SYNE1: variants seen among roughly 807,000 people sequenced by gnomAD.
SYNE1 encodes the protein spectrin repeat containing nuclear envelope protein 1.
SYNE1 carries 616 observed loss-of-function variants against 1,111.0 expected under a neutral mutation model. The ratio of observed to expected loss-of-function variants is 0.55; its 90% CI spans 0.52 to 0.59. SYNE1 has a LOEUF of 0.59. SYNE1 is among the 20% of genes least tolerant of loss of function. The probability of loss-of-function intolerance (pLI) is 0.00; values close to 1 mark genes in which losing one functional copy is unlikely to be tolerated. For synonymous variants in SYNE1, 3,855 were observed against 3,825.8 expected (o/e 1.01, Z -0.28); for missense variants, 10,006 against 10,417.0 (o/e 0.96, Z 1.72).
At chr6:152,277,637 G>T (rs1200726884) in intron 98 of SYNE1, 2 of 220,590 alleles carry the variant, frequency 9.1e-6, no homozygotes, top group Non-Finnish European at 1.8e-5. Context: ...TTCCATCAAC[G>T]TGTAAACTTA....
chr6:152,353,285 C>T lies in SYNE1; in HGVS notation c.11231G>A (p.Gly3744Glu), dbSNP rs999063074. 4 of 1,614,030 alleles carry T rather than the reference C, an allele frequency of 2.5e-6. No individual in the cohort carries two copies. The African/African-American group carries it at 4.0e-5, about 16-fold the overall frequency. ...TACCTCCAACGTCTTCAATTTCTTC[C>T]CCATCATTACTGTATCTACTTTGTC... ...KIDKVDTVMM[G>E]KKLKTLEVLL... is the part of the protein sequence containing the mutation. Residue 3744 changes from glycine to glutamate, a missense_variant, in exon 69 of 146, where the codon GGG (glycine) becomes GAG (glutamate). By Grantham distance (98) the Gly-to-Glu change is moderately conservative (BLOSUM62 -2). Coordinates refer to ENST00000367255, the MANE Select transcript of SYNE1 (RefSeq NM_182961.4).
chr6:152,413,438 T>C lies in SYNE1; in HGVS notation c.6144A>G (p.Lys2048=), dbSNP rs1187291296. 6.2e-7 allele frequency: 1 copy of C among 1,614,018 alleles called. No individual in the cohort carries two copies. Among genetic ancestry groups the C allele is most frequent in the African/African-American group, 1.3e-5 (1 of 74,918 alleles). The change falls in exon 42 of 146, where the codon AAA becomes AAG. Residue 2048 remains lysine, a synonymous_variant. Coordinates refer to ENST00000367255, the MANE Select transcript of SYNE1 (RefSeq NM_182961.4). ...LKDKAKQIAQ[K]DVAFAPEVDR... is the part of the protein sequence containing the mutation. ...CAACTTCAGGTGCAAAAGCTACATC[T>C]TTCTGGGCAATTTGCTTGGCTTTGT... is the stretch of plus-strand genomic sequence containing the variant.
At chr6:152,138,549 AAATAAAT>A in intron 140 of SYNE1, among the ~76,000 whole-genome samples, 1 of 148,986 alleles carries the variant, frequency 6.7e-6, no homozygotes. Flanking sequence ...ATAAATAAAT[AAATAAAT>A]AAAATAAAAC....
At chr6:152,269,620 T>G (rs1438363059) in intron 98 of SYNE1, among the ~76,000 whole-genome samples, 1 of 152,182 alleles carries the variant, frequency 6.6e-6, no homozygotes, top group African/African-American at 2.4e-5. Flanking sequence ...TTGATGAGTT[T>G]GTTTTTTAAG....
intron 64 of SYNE1, among the ~76,000 whole-genome samples, chr6:152,360,890 CTG>C (rs1247190133): frequency 1.3e-5 from 2 of 152,130 alleles, no homozygotes; most frequent in African/African-American, 4.8e-5. Context: ...AGCGTGTGTT[CTG>C]TGTCAGACAG....
intron 49 of SYNE1, among the ~76,000 whole-genome samples, chr6:152,397,883 C>T (rs1289781387): frequency 2.0e-5 from 3 of 151,922 alleles, no homozygotes; most frequent in Admixed American, 6.6e-5. Flanking sequence ...CACCTGTAAT[C>T]CCAGCTACTT....
intron 127 of SYNE1, among the ~76,000 whole-genome samples, chr6:152,197,713 G>A (rs1028354652): frequency 6.6e-5 from 10 of 152,032 alleles, no homozygotes; most frequent in Non-Finnish European, 1.5e-4. Flanking sequence ...CAGTAAAACT[G>A]TACTGTAAAC....
At chr6:152,444,653 G>T in intron 29 of SYNE1, 75 bp from the exon 30 acceptor site, 2 of 1,375,274 alleles carry the variant, frequency 1.5e-6, no homozygotes, top group South Asian at 1.3e-5. Context: ...TTTTGGTAAG[G>T]TATGATTGAC....
At chr6:152,202,333 C>A (rs1460368909) in intron 126 of SYNE1, among the ~76,000 whole-genome samples, 2 of 110,346 alleles carry the variant, frequency 1.8e-5, no homozygotes, top group African/African-American at 6.9e-5. Context: ...GGCAAAAGAG[C>A]GAGACTCTGT....
Position 152,283,978 on chromosome 6 carries a change from C to G in SYNE1, c.18207G>C (p.Glu6069Asp). 1 of 1,613,884 alleles carries G rather than the reference C, an allele frequency of 6.2e-7. No individual in the cohort carries two copies. The highest frequency in any genetic ancestry group is 8.5e-7 in the Non-Finnish European group (1 of 1,179,792). ...MKASGKRQLL[E>D]EKLNDQLEEQ... The stretch of plus-strand genomic sequence containing the variant: ...AGGCCACTTTACAGTTATTGGTTAC[C>G]TCCAAAAGCTGCCGTTTCCCCGAGG... Residue 6069 changes from glutamate (E) to aspartate (D), a missense_variant and splice_region_variant, in exon 96 of 146, where the codon GAG becomes GAC. By Grantham distance (45) the Glu-to-Asp change is conservative. Around this residue, in one of 7 missense-constraint regions of SYNE1, gnomAD observed 99 missense variants for 147.8 expected, o/e 0.67. Transcript: ENST00000367255.
chr6:152,306,036 A>T (rs2095362154), intron 91 of SYNE1, among the ~76,000 whole-genome samples: 1 of 152,210 alleles, frequency 6.6e-6, no homozygotes, highest in Admixed American at 6.5e-5. Context: ...AGTAGCCCAG[A>T]TAGTTTCTGT....
At chr6:152,435,838 GA>G in intron 33 of SYNE1, 102 bp downstream of exon 33, 2 of 1,386,460 alleles carry the variant, frequency 1.4e-6, no homozygotes, top group Non-Finnish European at 2.0e-6. Flanking sequence ...GAAATACACA[GA>G]CACTTTGAGA....
intron 87 of SYNE1, chr6:152,316,602 T>G: frequency 1.4e-5 from 7 of 502,788 alleles, no homozygotes; most frequent in East Asian, 3.7e-5. Context: ...ACAAGGCTGA[T>G]TGGTTTGGGT....
intron 131 of SYNE1, among the ~76,000 whole-genome samples, chr6:152,158,896 G>C (rs1440343536): frequency 6.6e-6 from 1 of 152,184 alleles, no homozygotes; most frequent in African/African-American, 2.4e-5. Context: ...CCTAAGATTT[G>C]AGGGGATTTA....
In SYNE1 at chr6:152,325,201, G is replaced by C. The variant is rs748254961; in HGVS notation, c.15540C>G (p.Thr5180=). Residue 5180 remains threonine (T), a synonymous_variant, in exon 81 of 146, where the codon ACC becomes ACG. Transcript: ENST00000367255. ...AGACGGTGGTCATTGACCTGCTCAGGGTGGCTTTGCTGGCATCATTTCCGG... is the reference window on the plus strand; with the variant it reads ...AGACGGTGGTCATTGACCTGCTCAGCGTGGCTTTGCTGGCATCATTTCCGG... ...EKTGNDASKA[T]LSRSMTTVWQ... is the part of the protein sequence containing the mutation. 1 of 1,614,110 alleles carries C rather than the reference G, an allele frequency of 6.2e-7. No individual in the cohort carries two copies. The highest frequency in any genetic ancestry group is 8.5e-7 in the Non-Finnish European group (1 of 1,180,036).
rs748398484 is a variant in SYNE1, at chr6:152,396,900, C to A, written c.7431G>T (p.Leu2477Phe). 6.2e-7 allele frequency: 1 copy of A among 1,614,180 alleles called. No homozygotes were observed. The highest frequency in any genetic ancestry group is 1.1e-5 in the South Asian group (1 of 91,080). The change falls in exon 50 of 146, where the codon TTG becomes TTT. Residue 2477 changes from leucine (L) to phenylalanine (F), a missense_variant. Around this residue, in one of 7 missense-constraint regions of SYNE1, gnomAD observed 4,955 missense variants for 5,017.2 expected, o/e 0.99. Coordinates refer to ENST00000367255, the MANE Select transcript of SYNE1 (RefSeq NM_182961.4). The part of the protein sequence containing the change: ...TQEGQTLYAH[L>F]SKQIVSSIQE... ...GAATGCTACTGACAATTTGTTTAGA[C>A]AAATGTGCATACAAAGTTTGTCCTT...
chr6:152,478,306 G>A lies in SYNE1; in HGVS notation c.1350+4779C>T, dbSNP rs561396427. Among the ~76,000 whole-genome samples, 3 of 152,288 alleles carry A rather than the reference G, an allele frequency of 2.0e-5. No homozygotes were observed. In the South Asian group the frequency reaches 6.2e-4, roughly 32 times the overall value. ...TGCTGTAAAAGGAAGGAAGAAAATT[G>A]GACAGTAGCTGGGAGGGGAAGTGGG... On this transcript the variant is annotated intron_variant, in intron 14 of 145. Transcript: ENST00000367255.
intron 128 of SYNE1, chr6:152,185,528 G>C (rs1298976822): frequency 6.6e-6 from 1 of 152,086 alleles, no homozygotes; most frequent in Non-Finnish European, 1.5e-5. Context: ...TTACATCCTG[G>C]CACCTTGATC....
chr6:152,408,312 G>C (rs2097937433), intron 44 of SYNE1, among the ~76,000 whole-genome samples: 2 of 152,094 alleles, frequency 1.3e-5, no homozygotes, highest in South Asian at 4.1e-4. Context: ...TTGTTCTGTG[G>C]TCACGTAGCT....
Sources: gnomAD v4.1 joint callset for allele counts (sites outside exome capture counted in the v4.1 genomes callset) on GRCh38, gnomAD v4.1.1 for gene constraint, gnomAD v4.1.1 regional missense constraint, MANE v1.5 for transcripts, NCBI Gene and HGNC (gene_info 2026-07-23, HGNC 2026-07-21) for gene names.